The following SMYD2 variants were observed in gnomAD, a reference collection of about 807,000 sequenced individuals.
SMYD2 encodes the protein N-lysine methyltransferase SMYD2.
SMYD2 carries 53 observed loss-of-function variants against 59.1 expected under a neutral mutation model. The observed-to-expected ratio is 0.90, with a 90% confidence interval of 0.72 to 1.13. The LOEUF (loss-of-function observed/expected upper bound fraction) is 1.13. Ranked by LOEUF, SMYD2 falls within the 50% of genes most tolerant of loss-of-function variation. SMYD2 has a pLI of 0.00. For synonymous variants in SMYD2, 208 were observed against 198.8 expected (o/e 1.05, Z -0.39); for missense variants, 494 against 544.7 (o/e 0.91, Z 0.93).
chr1:214,296,401 A>G (rs906761628), intron 1 of SMYD2, among the ~76,000 whole-genome samples: 14 of 152,192 alleles, frequency 9.2e-5, no homozygotes, highest in Admixed American at 8.5e-4. Flanking sequence ...GGATAGAACT[A>G]TTTCTTAAGT....
intron 1 of SMYD2, among the ~76,000 whole-genome samples, chr1:214,294,701 TGTAA>T (rs1478886919): frequency 2.6e-5 from 4 of 152,134 alleles, no homozygotes; most frequent in Non-Finnish European, 5.9e-5. Flanking sequence ...CACATTTTCC[TGTAA>T]GTAAGATTCA....
chr1:214,304,091 CACCT>C (rs1042523305), intron 1 of SMYD2, among the ~76,000 whole-genome samples: 11 of 152,180 alleles, frequency 7.2e-5, no homozygotes, highest in Non-Finnish European at 1.5e-4. Flanking sequence ...CACACGCGAG[CACCT>C]AACAGTTGGG....
chr1:214,303,093 T>A (rs1656852655), intron 1 of SMYD2, among the ~76,000 whole-genome samples: 1 of 152,056 alleles, frequency 6.6e-6, no homozygotes, highest in Non-Finnish European at 1.5e-5. Context: ...AGAAGGTGGG[T>A]TATTAGAGTA....
chr1:214,334,266 G>A lies in SMYD2; in HGVS notation c.1179G>A (p.Met393Ile), dbSNP rs767604488. 1.9e-6 allele frequency: 3 copies of A among 1,613,996 alleles called. No homozygotes were observed. The highest frequency in any genetic ancestry group is 1.1e-5 in the South Asian group (1 of 91,084). ...SMWLKLGRLY[M>I]GLEHKAAGEK... is the part of the protein sequence containing the mutation. ...GGTTGAAGCTAGGGAGACTCTACAT[G>A]GGCCTGGAACACAAAGCCGCAGGGG... Residue 393 changes from methionine to isoleucine, a missense_variant, in exon 11 of 12, where the codon ATG becomes ATA. Transcript: ENST00000366957.
At chr1:214,305,324 C>A in intron 2 of SMYD2, 74 bp downstream of exon 2, 1 of 1,369,558 alleles carries the variant, frequency 7.3e-7, no homozygotes, top group Non-Finnish European at 1.0e-6. Flanking sequence ...TGGCATTCCT[C>A]AGCGCCCTCC....
Position 214,283,443 on chromosome 1 carries a change from CCTCT to C in SMYD2, c.173+2022_173+2025del, listed in dbSNP as rs375600607. Among the ~76,000 whole-genome samples, 33 of 152,224 alleles carry C rather than the reference CCTCT, an allele frequency of 2.2e-4. No homozygotes were observed. In the South Asian group the frequency reaches 6.4e-3, roughly 30 times the overall value. On this transcript the variant is annotated intron_variant, in intron 1 of 11. Transcript: ENST00000366957. ...TTATGTCAATACCCGTAGTTTATTT[CCTCT>C]CTCTCCCCAAAGAATTATTTGAAGT...
rs1657341588 is a variant in SMYD2 at position 214,330,921 on chromosome 1, C to T, written c.817-29C>T. ...TCAGTGTGGTTTCCATGGGCGGTAA[C>T]GCCTTGCCCTTGTGGACGTTTCCTT... is the stretch of plus-strand genomic sequence containing the variant. On this transcript the variant is annotated intron_variant, in intron 8 of 11. Coordinates refer to ENST00000366957, the MANE Select transcript of SMYD2 (RefSeq NM_020197.3). 8.1e-6 allele frequency: 13 copies of T among 1,613,268 alleles called. No homozygotes were observed. In the East Asian group the frequency reaches 8.9e-5, roughly 11 times the overall value.
chr1:214,306,961 A>G (rs1656923995), intron 2 of SMYD2, among the ~76,000 whole-genome samples: 1 of 152,242 alleles, frequency 6.6e-6, no homozygotes, highest in African/African-American at 2.4e-5. Flanking sequence ...ACCTGAGGTC[A>G]GGAGTTCGAG....
At chr1:214,301,687 T>A (rs1043193711) in intron 1 of SMYD2, among the ~76,000 whole-genome samples, 2 of 151,346 alleles carry the variant, frequency 1.3e-5, no homozygotes, top group African/African-American at 4.9e-5. Flanking sequence ...AGTGACAGGC[T>A]CACTTCATTC....
rs1468913646 is a variant in SMYD2, at chr1:214,331,028, C to T, written c.895C>T (p.Arg299Cys). The change falls in exon 9 of 12, where the codon CGC (arginine) becomes TGC (cysteine). Residue 299 changes from arginine to cysteine, a missense_variant. Coordinates refer to ENST00000366957, the MANE Select transcript of SMYD2 (RefSeq NM_020197.3). ...CATCCGAGACATGGTCAGATATGCA[C>T]GCAACGTCATTGAAGAGTTCCGGAG... ...EAIRDMVRYARNVIEEFRRAK... is the reference protein window; with the variant it reads ...EAIRDMVRYACNVIEEFRRAK... The T allele has an allele frequency of 3.1e-6, 5 of 1,614,188 alleles. No homozygotes were observed. The highest frequency in any genetic ancestry group is 2.2e-5 in the East Asian group (1 of 44,888).
intron 10 of SMYD2, chr1:214,333,288 C>A (rs1167785750): frequency 6.6e-6 from 1 of 152,298 alleles, no homozygotes; most frequent in African/African-American, 2.4e-5. Context: ...CAGACAGCAT[C>A]CCAGCCCTGT....
At chr1:214,302,013 T>A (rs1656832037) in intron 1 of SMYD2, among the ~76,000 whole-genome samples, 1 of 152,182 alleles carries the variant, frequency 6.6e-6, no homozygotes, top group African/African-American at 2.4e-5. Context: ...TGAGACTGGC[T>A]TTCACCCTCT....
intron 2 of SMYD2, among the ~76,000 whole-genome samples, chr1:214,309,226 G>C (rs1373720698): frequency 6.6e-6 from 1 of 152,180 alleles, no homozygotes; most frequent in African/African-American, 2.4e-5. Context: ...AATTGCTAAT[G>C]CATGAAAGGG....
intron 5 of SMYD2, among the ~76,000 whole-genome samples, chr1:214,321,930 C>T (rs1657178130): frequency 6.6e-6 from 1 of 152,170 alleles, no homozygotes; most frequent in South Asian, 2.1e-4. Flanking sequence ...AGTAATGACT[C>T]TTAGGCTCAT....
At chr1:214,281,512 G>C in intron 1 of SMYD2, 85 bp downstream of exon 1, 7 of 1,163,028 alleles carry the variant, frequency 6.0e-6, no homozygotes, top group Non-Finnish European at 7.4e-6. Flanking sequence ...AAGTGCGTGC[G>C]GCTCGCGGGG....
At chr1:214,314,129 A>G (rs1311106449) in intron 2 of SMYD2, among the ~76,000 whole-genome samples, 2 of 152,046 alleles carry the variant, frequency 1.3e-5, no homozygotes, top group Non-Finnish European at 2.9e-5. Flanking sequence ...GTGAGTCGAG[A>G]TCGCGCCACT....
rs764953570 is a variant in SMYD2, at chr1:214,318,161, C to T, written c.409+22C>T. 75 of 1,610,544 alleles carry T rather than the reference C, an allele frequency of 4.7e-5. No individual in the cohort carries two copies. The highest frequency in any genetic ancestry group is 1.6e-4 in the Middle Eastern group (1 of 6,072). ...TCACGTAAGTCTTTCTGTGACCAGC[C>T]GCGCAGTTCTCTCAGCCACAGATTT... On this transcript the variant is annotated intron_variant, in intron 4 of 11. Transcript: ENST00000366957. The surrounding 1 kb of genome is among the most constrained non-coding windows in gnomAD (Gnocchi z 5.4).
At position 214,291,608 on chromosome 1, in the gene SMYD2, A is replaced by C. The variant is rs1244072955; in HGVS notation, c.173+10181A>C. 1.3e-5 allele frequency among the ~76,000 whole-genome samples: 2 copies of C among 152,176 alleles called. 1 individual carries two copies. The highest frequency in any genetic ancestry group is 4.8e-5 in the African/African-American group (2 of 41,430). The stretch of plus-strand genomic sequence containing the variant: ...TTGAAGGCTCTTGTTTTACGTAAAA[A>C]CTTTGACTAAATACATTTGTTATGT... On this transcript the variant is annotated intron_variant, in intron 1 of 11. Coordinates refer to ENST00000366957, the MANE Select transcript of SMYD2 (RefSeq NM_020197.3).
intron 1 of SMYD2, among the ~76,000 whole-genome samples, chr1:214,293,285 C>T (rs142232305): frequency 0.014 from 2,194 of 152,198 alleles, 56 homozygotes; most frequent in African/African-American, 0.05. Context: ...AACTCCCGAC[C>T]TCAGGTGATC....
Sources: allele counts gnomAD v4.1 joint callset (sites outside exome capture counted in the v4.1 genomes callset), GRCh38; gene constraint gnomAD v4.1.1; non-coding constraint Gnocchi (gnomAD v3.1); transcripts MANE v1.5; gene names NCBI Gene and HGNC (gene_info 2026-07-23, HGNC 2026-07-21).